Variants in PTPN14 observed in about 807,000 individuals in gnomAD.
PTPN14 encodes protein tyrosine phosphatase non-receptor type 14.
A neutral mutation model predicts 126.8 loss-of-function variants in PTPN14; 53 were observed. That is an observed-to-expected ratio of 0.42 (90% CI 0.34 to 0.53). PTPN14 has a LOEUF of 0.53. PTPN14 is among the 20% of genes least tolerant of loss of function. PTPN14 has a pLI of 0.08. For synonymous variants in PTPN14, 630 were observed against 599.3 expected, an observed-to-expected ratio of 1.05 and a Z score of -0.75; for missense variants, 1,257 against 1,552.9, an observed-to-expected ratio of 0.81 and a Z score of 3.20.
rs1553258559 is a variant in PTPN14, at chr1:214,364,766, A to AGTGTGTGAGTGT, written c.3272-92_3272-91insACACTCACACAC. 1.8e-6 allele frequency: 1 copy of AGTGTGTGAGTGT among 550,238 alleles called. No homozygotes were observed. The highest frequency in any genetic ancestry group is 2.3e-5 in the African/African-American group (1 of 43,752). 34.1% of individuals were successfully genotyped at this position (550,238 alleles called of 1,614,324 possible). ...GGGGAGCGGAAGAGAACTGATGGTG[A>AGTGTGTGAGTGT]GTGTGTGTGTGTGTGTGTGTGTGTG... is the stretch of plus-strand genomic sequence containing the variant. On this transcript the variant is annotated intron_variant, in intron 17 of 18. Transcript: ENST00000366956. The surrounding 1 kb of genome is among the most constrained non-coding windows in gnomAD (Gnocchi z 4.1).
chr1:214,384,866 T>C lies in PTPN14; in HGVS notation c.1067-78A>G. 6.7e-7 allele frequency: 1 copy of C among 1,489,412 alleles called. No homozygotes were observed. Among genetic ancestry groups the C allele is most frequent in the Admixed American group, 2.1e-5 (1 of 46,796 alleles). The allele number at this position is 1,489,412 out of a possible 1,614,324, so 92.3% of individuals were successfully genotyped here. ...AAAGTACATCCTCATACTCATGAGG[T>C]GACTTTTAATTTAAACAAATCATAA... On this transcript the variant is annotated intron_variant, in intron 12 of 18. Coordinates refer to ENST00000366956, the MANE Select transcript of PTPN14 (RefSeq NM_005401.5). This position sits in a 1 kb window ranked among gnomAD's most constrained non-coding sequence, Gnocchi z 5.3.
At chr1:214,490,037 GC>G (rs1661196838) in intron 1 of PTPN14, among the ~76,000 whole-genome samples, 1 of 152,186 alleles carries the variant, frequency 6.6e-6, no homozygotes. Context: ...ATAGGCCAAA[GC>G]CAATCCTCTT....
At chr1:214,406,219 T>C (rs1049633106) in intron 5 of PTPN14, among the ~76,000 whole-genome samples, 1 of 152,192 alleles carries the variant, frequency 6.6e-6, no homozygotes, top group Non-Finnish European at 1.5e-5. Flanking sequence ...TGGCTCAGCC[T>C]GTAATACCGG....
At chr1:214,485,687 G>A (rs989596494) in intron 1 of PTPN14, among the ~76,000 whole-genome samples, 6 of 152,046 alleles carry the variant, frequency 3.9e-5, no homozygotes, top group African/African-American at 1.4e-4. Context: ...AATGCATGAA[G>A]AGGAACCACC....
chr1:214,480,336 TA>T (rs753208947), intron 1 of PTPN14, among the ~76,000 whole-genome samples: 1 of 152,182 alleles, frequency 6.6e-6, no homozygotes. Flanking sequence ...ACCACTTCCA[TA>T]AAAAGAAAAG....
At chr1:214,468,562 A>AAAAAAG (rs1553269349) in intron 1 of PTPN14, among the ~76,000 whole-genome samples, 1 of 150,994 alleles carries the variant, frequency 6.6e-6, no homozygotes, top group Non-Finnish European at 1.5e-5. Context: ...CAAAAACAAA[A>AAAAAAG]AAAAGAAAAG....
intron 18 of PTPN14, among the ~76,000 whole-genome samples, chr1:214,360,373 C>T (rs541144749): frequency 5.5e-4 from 83 of 152,112 alleles, no homozygotes; most frequent in African/African-American, 1.9e-3. Context: ...AAAGTCAAGT[C>T]CCTGCCTAAT....
At chr1:214,499,318 T>C (rs1005715530) in intron 1 of PTPN14, among the ~76,000 whole-genome samples, 18 of 152,030 alleles carry the variant, frequency 1.2e-4, no homozygotes, top group Non-Finnish European at 2.1e-4. Context: ...TAAGAGACCA[T>C]AGTGATATAG....
chr1:214,448,822 T>C (rs992997999), intron 3 of PTPN14, among the ~76,000 whole-genome samples: 4 of 152,126 alleles, frequency 2.6e-5, no homozygotes, highest in Non-Finnish European at 5.9e-5. Flanking sequence ...GTTCCATTTT[T>C]AGATGGCTTA....
chr1:214,492,851 T>A (rs577273371), intron 1 of PTPN14, among the ~76,000 whole-genome samples: 5 of 143,784 alleles, frequency 3.5e-5, no homozygotes, highest in Non-Finnish European at 7.5e-5. Context: ...TGAGCCAAGA[T>A]CACACTACAG....
intron 16 of PTPN14, among the ~76,000 whole-genome samples, chr1:214,370,292 A>G (rs1658188193): frequency 1.3e-5 from 2 of 151,868 alleles, no homozygotes; most frequent in African/African-American, 2.4e-5. Flanking sequence ...AAAAAAAAAA[A>G]AAAAGAAAAA....
chr1:214,480,859 C>T, intron 1 of PTPN14, among the ~76,000 whole-genome samples: 1 of 151,994 alleles, frequency 6.6e-6, no homozygotes, highest in East Asian at 1.9e-4. Context: ...GAAAAGGCAC[C>T]CTCTCTGCCT....
chr1:214,533,207 AC>A (rs2102472424), intron 1 of PTPN14: 1 of 689,842 alleles, frequency 1.4e-6, no homozygotes, highest in East Asian at 3.1e-5. Flanking sequence ...ATCCTGCTGC[AC>A]CTGGCGTCAG....
intron 3 of PTPN14, among the ~76,000 whole-genome samples, chr1:214,434,341 C>T (rs878905524): frequency 5.3e-5 from 8 of 151,996 alleles, no homozygotes; most frequent in African/African-American, 9.7e-5. Flanking sequence ...CCATGTCTAA[C>T]GTTGTCTAAA....
At chr1:214,376,582 C>T in intron 14 of PTPN14, 145 bp from the exon 15 acceptor site, 2 of 700,644 alleles carry the variant, frequency 2.9e-6, no homozygotes, top group Non-Finnish European at 4.7e-6. Context: ...CATTATCAAC[C>T]ATATTGATAT....
At chr1:214,394,368 G>A (rs1388512002) in intron 9 of PTPN14, among the ~76,000 whole-genome samples, 1 of 152,162 alleles carries the variant, frequency 6.6e-6, no homozygotes, top group Non-Finnish European at 1.5e-5. Context: ...CAGAGTCCTA[G>A]AGTCAAAAGT....
intron 1 of PTPN14, among the ~76,000 whole-genome samples, chr1:214,472,836 A>G (rs1459600823): frequency 4.6e-5 from 7 of 152,186 alleles, no homozygotes; most frequent in African/African-American, 1.7e-4. Context: ...GTATTCTCAC[A>G]GACAGAGATT....
chr1:214,495,038 T>C (rs1465338950), intron 1 of PTPN14, among the ~76,000 whole-genome samples: 2 of 152,198 alleles, frequency 1.3e-5, no homozygotes, highest in Non-Finnish European at 2.9e-5. Context: ...AGTGGTGAGA[T>C]GTATTTTCTC....
At chr1:214,393,174 C>T (rs894629843) in intron 10 of PTPN14, among the ~76,000 whole-genome samples, 2 of 152,168 alleles carry the variant, frequency 1.3e-5, no homozygotes, top group African/African-American at 2.4e-5. Context: ...TTTGTGACAC[C>T]TATGAGTGTC....
Sources: allele counts gnomAD v4.1 joint callset (sites outside exome capture counted in the v4.1 genomes callset), GRCh38; gene constraint gnomAD v4.1.1; non-coding constraint Gnocchi (gnomAD v3.1); transcripts MANE v1.5; gene names NCBI Gene and HGNC (gene_info 2026-07-23, HGNC 2026-07-21).